The following ARSG variants were observed in gnomAD, a reference collection of about 807,000 sequenced individuals.
ARSG encodes arylsulfatase G.
In ARSG, 37 loss-of-function variants were observed where a neutral mutation model predicts 50.5. That is an observed-to-expected ratio of 0.73 (90% CI 0.56 to 0.96). The LOEUF is 0.96. ARSG is among the 50% of genes least tolerant of loss of function. The pLI is 0.00. For synonymous variants in ARSG, 225 were observed against 254.6 expected (o/e 0.88, Z 1.11); for missense variants, 629 against 675.3 (o/e 0.93, Z 0.76).
chr17:68,261,013 C>T (rs2075064091), intron 1 of ARSG, among the ~76,000 whole-genome samples: 1 of 152,198 alleles, frequency 6.6e-6, no homozygotes, highest in Non-Finnish European at 1.5e-5. Context: ...AACTGACCCA[C>T]CCATATAGTA....
intron 2 of ARSG, among the ~76,000 whole-genome samples, chr17:68,314,588 T>C (rs2145736027): frequency 6.6e-6 from 1 of 151,284 alleles, no homozygotes; most frequent in East Asian, 1.9e-4. Flanking sequence ...ACATCTGTGG[T>C]CCCAGCTACT....
chr17:68,264,153 C>T (rs782096676), intron 1 of ARSG, among the ~76,000 whole-genome samples: 10 of 152,120 alleles, frequency 6.6e-5, no homozygotes, highest in East Asian at 1.9e-4. Context: ...TGCGCCACCA[C>T]GCCCAGCTGA....
intron 2 of ARSG, among the ~76,000 whole-genome samples, chr17:68,317,098 A>G (rs1176707234): frequency 6.6e-6 from 1 of 152,168 alleles, no homozygotes; most frequent in Non-Finnish European, 1.5e-5. Context: ...TTGCACAGAA[A>G]GGGCACCATC....
chr17:68,353,253 G>A (rs2078883934), intron 5 of ARSG, among the ~76,000 whole-genome samples: 1 of 151,932 alleles, frequency 6.6e-6, no homozygotes, highest in Non-Finnish European at 1.5e-5. Flanking sequence ...TGTTGCCCAG[G>A]TTACACCGGA....
intron 1 of ARSG, among the ~76,000 whole-genome samples, chr17:68,283,745 G>A (rs1433406154): frequency 6.6e-6 from 1 of 151,896 alleles, no homozygotes; most frequent in African/African-American, 2.4e-5. Context: ...GGGTGTGGTG[G>A]CGCACGCCTG....
Position 68,293,314 on chromosome 17 carries a change from C to T in ARSG, c.-552+1746C>T, listed in dbSNP as rs545827950. 3.0e-4 allele frequency among the ~76,000 whole-genome samples: 45 copies of T among 152,226 alleles called. No homozygotes were observed. The South Asian group carries it at 8.9e-3, about 30-fold the overall frequency. On this transcript the variant is annotated intron_variant, in intron 1 of 11. Transcript: ENST00000621439. ...TGTATGTCTTAGGAACCTAAAGGTG[C>T]AGCCAGCCATTTATACCTGAGTGAC...
chr17:68,321,916 T>C lies in ARSG; in HGVS notation c.218+14205T>C, dbSNP rs143892255. Among the ~76,000 whole-genome samples, 670 of 152,280 alleles carry C rather than the reference T, an allele frequency of 4.4e-3. 17 individuals carry two copies. In the South Asian group the frequency reaches 0.048, roughly 11 times the overall value. ...AAAGCTTTCCAAATAACAAGGTCAT[T>C]TTATTGCTTATTAATTAGTCCAACT... On this transcript the variant is annotated intron_variant, in intron 2 of 11. Transcript: ENST00000621439.
chr17:68,377,764 A>G lies in ARSG; in HGVS notation c.982+7240A>G, dbSNP rs902504934. Among the ~76,000 whole-genome samples, 14 of 152,368 alleles carry G rather than the reference A, an allele frequency of 9.2e-5. 1 individual carries two copies. In the East Asian group the frequency reaches 2.1e-3, roughly 23 times the overall value. On this transcript the variant is annotated intron_variant, in intron 8 of 11. Coordinates refer to ENST00000621439, the MANE Select transcript of ARSG (RefSeq NM_001267727.2). ...TTAAATCGCATACAGATAACTTTAA[A>G]AGTGTTCAGGAACTCTTGGGAAACT...
At chr17:68,410,077 A>G (rs1398644614) in intron 11 of ARSG, among the ~76,000 whole-genome samples, 2 of 149,632 alleles carry the variant, frequency 1.3e-5, no homozygotes, top group African/African-American at 2.5e-5. Context: ...AACAGGGACA[A>G]TTTGACTTCC....
downstream of ARSG, chr17:68,424,304 A>T: frequency 2.4e-6 from 1 of 417,268 alleles, no homozygotes; most frequent in Admixed American, 3.2e-5. Flanking sequence ...CGACCCGCAG[A>T]GCCGATGTGG....
chr17:68,336,496 C>G (rs1243010481), intron 2 of ARSG, among the ~76,000 whole-genome samples: 2 of 152,130 alleles, frequency 1.3e-5, no homozygotes, highest in African/African-American at 4.8e-5. Context: ...AGGCGTGAAC[C>G]ACCACACCTG....
intron 1 of ARSG, chr17:68,283,044 T>A (rs1255098091): frequency 6.6e-6 from 1 of 151,392 alleles, no homozygotes; most frequent in Non-Finnish European, 1.5e-5. Flanking sequence ...ATTGCTTGAG[T>A]TGAGGCTGGA....
chr17:68,352,522 T>C (rs542729541), intron 5 of ARSG, among the ~76,000 whole-genome samples: 88 of 151,022 alleles, frequency 5.8e-4, no homozygotes, highest in African/African-American at 2.0e-3. Flanking sequence ...CTTTTTTTTT[T>C]TTTTTGAGAT....
chr17:68,308,336 AG>A (rs1415181079), intron 2 of ARSG, among the ~76,000 whole-genome samples: 1 of 152,066 alleles, frequency 6.6e-6, no homozygotes, highest in African/African-American at 2.4e-5. Flanking sequence ...TCTGATGTTC[AG>A]ATGTGTTCGG....
At chr17:68,385,782 A>G (rs1206566679) in intron 9 of ARSG, among the ~76,000 whole-genome samples, 1 of 151,852 alleles carries the variant, frequency 6.6e-6, no homozygotes, top group African/African-American at 2.4e-5. Flanking sequence ...ATCCTTTGAG[A>G]CCTAATTGTT....
At chr17:68,261,245 A>G (rs1209056129) in intron 1 of ARSG, among the ~76,000 whole-genome samples, 11 of 152,202 alleles carry the variant, frequency 7.2e-5, no homozygotes, top group African/African-American at 2.7e-4. Flanking sequence ...TCATTCAACA[A>G]TATTCATGGA....
At chr17:68,360,543 A>G (rs2079234108) in intron 6 of ARSG, among the ~76,000 whole-genome samples, 1 of 152,184 alleles carries the variant, frequency 6.6e-6, no homozygotes, top group Non-Finnish European at 1.5e-5. Context: ...CTTGGTTATC[A>G]CTGCTGGTCA....
intron 8 of ARSG, among the ~76,000 whole-genome samples, chr17:68,374,721 G>A (rs1408979648): frequency 6.6e-6 from 1 of 151,564 alleles, no homozygotes; most frequent in Non-Finnish European, 1.5e-5. Context: ...GTATGGTGGC[G>A]GGCACCTGTA....
chr17:68,283,878 C>CAAA (rs58291216), intron 1 of ARSG, among the ~76,000 whole-genome samples: 1,625 of 55,392 alleles, frequency 0.029, 52 homozygotes, highest in Non-Finnish European at 0.045. Context: ...AACTCCGTCT[C>CAAA]AAAAAAAAAA....
Sources: gnomAD v4.1 joint callset for allele counts (sites outside exome capture counted in the v4.1 genomes callset) on GRCh38, gnomAD v4.1.1 for gene constraint, MANE v1.5 for transcripts, NCBI Gene and HGNC (gene_info 2026-07-23, HGNC 2026-07-21) for gene names.